AHI1: variants seen among roughly 807,000 people sequenced by gnomAD.
AHI1 encodes the protein Abelson helper integration site 1.
A neutral mutation model predicts 149.3 loss-of-function variants in AHI1; 123 were observed. That is an observed-to-expected ratio of 0.82 (90% confidence interval 0.71 to 0.96). The LOEUF (loss-of-function observed/expected upper bound fraction) is 0.96. AHI1 is among the 40% of genes least tolerant of loss of function. AHI1 has a pLI of 0.00. For synonymous variants in AHI1, 475 were observed against 459.8 expected, an observed-to-expected ratio of 1.03 and a Z score of -0.42; for missense variants, 1,439 against 1,422.7, an observed-to-expected ratio of 1.01 and a Z score of -0.18.
At chr6:135,483,545 C>G (rs1315209471) in intron 5 of AHI1, among the ~76,000 whole-genome samples, 1 of 152,024 alleles carries the variant, frequency 6.6e-6, no homozygotes, top group Non-Finnish European at 1.5e-5. Flanking sequence ...CTCAACTATC[C>G]CCTTTTAAAA....
chr6:135,340,548 C>T (rs1207722035), intron 24 of AHI1, among the ~76,000 whole-genome samples: 3 of 150,304 alleles, frequency 2.0e-5, no homozygotes, highest in Non-Finnish European at 4.4e-5. Context: ...GTCCTTCGGA[C>T]TGAAATGAAA....
At chr6:135,363,464 G>A (rs975894886) in intron 23 of AHI1, among the ~76,000 whole-genome samples, 1 of 152,164 alleles carries the variant, frequency 6.6e-6, no homozygotes, top group Non-Finnish European at 1.5e-5. Context: ...ACACAGACAC[G>A]GCAACCATCC....
chr6:135,342,492 C>A (rs1045614280), intron 24 of AHI1, among the ~76,000 whole-genome samples: 1 of 151,662 alleles, frequency 6.6e-6, no homozygotes, highest in Non-Finnish European at 1.5e-5. Flanking sequence ...GCAAAACCCT[C>A]AAAAATATAC....
intron 24 of AHI1, among the ~76,000 whole-genome samples, chr6:135,329,334 T>C (rs1029143475): frequency 1.3e-5 from 2 of 152,208 alleles, no homozygotes; most frequent in Non-Finnish European, 2.9e-5. Context: ...TAGGAACTAA[T>C]ACAGCTGGTG....
chr6:135,416,755 T>C (rs1343375617), intron 20 of AHI1, among the ~76,000 whole-genome samples: 2 of 152,046 alleles, frequency 1.3e-5, no homozygotes, highest in African/African-American at 4.8e-5. Flanking sequence ...TCATGTACTA[T>C]TTCATTCAGG....
At chr6:135,413,054 G>C (rs1781829999) in intron 20 of AHI1, among the ~76,000 whole-genome samples, 1 of 152,114 alleles carries the variant, frequency 6.6e-6, no homozygotes, top group African/African-American at 2.4e-5. Flanking sequence ...AACTTGCCAG[G>C]CACAGTGTCT....
Position 135,453,380 on chromosome 6 carries a change from T to G in AHI1, c.1401A>C (p.Gln467His). 6.4e-7 allele frequency: 1 copy of G among 1,562,498 alleles called. No homozygotes were observed. Residue 467 changes from glutamine (Q) to histidine (H), a missense_variant, in exon 11 of 29, where the codon CAA (glutamine) becomes CAC (histidine). By Grantham distance (24) the Gln-to-His change is conservative. Coordinates refer to ENST00000265602, the MANE Select transcript of AHI1 (RefSeq NM_001134831.2). ...EIKNNSEVQN[Q>H]ECGFRKIAWA... ...AGGCAATTTTCCGAAAGCCACATTC[T>G]TGGTTTTGAACCTCAGAATTATTCT...
chr6:135,360,182 A>G (rs1392405179), intron 23 of AHI1, among the ~76,000 whole-genome samples: 1 of 152,202 alleles, frequency 6.6e-6, no homozygotes, highest in East Asian at 1.9e-4. Context: ...CACTTTTATT[A>G]ATGTATAACA....
intron 23 of AHI1, among the ~76,000 whole-genome samples, chr6:135,381,219 A>C (rs535653228): frequency 3.3e-5 from 5 of 152,308 alleles, no homozygotes; most frequent in African/African-American, 1.2e-4. Context: ...CTCCCACAAA[A>C]AACAAGCTTC....
At chr6:135,379,629 T>G (rs1184572489) in intron 23 of AHI1, among the ~76,000 whole-genome samples, 2 of 152,198 alleles carry the variant, frequency 1.3e-5, no homozygotes, top group Non-Finnish European at 2.9e-5. Context: ...AGGTTTCCAG[T>G]GAATACTAGC....
chr6:135,436,866 T>C (rs1240527015), intron 15 of AHI1, among the ~76,000 whole-genome samples: 1 of 152,128 alleles, frequency 6.6e-6, no homozygotes, highest in Non-Finnish European at 1.5e-5. Flanking sequence ...CTTCCCAAAG[T>C]GCTGGGATTA....
At chr6:135,402,989 T>C (rs1011268761) in intron 22 of AHI1, among the ~76,000 whole-genome samples, 3 of 152,172 alleles carry the variant, frequency 2.0e-5, no homozygotes, top group Non-Finnish European at 4.4e-5. Flanking sequence ...ATGTTACAAA[T>C]AGAGGAATCC....
chr6:135,463,280 A>T lies in AHI1; in HGVS notation c.776T>A (p.Val259Asp). The T allele has an allele frequency of 6.2e-7, 1 of 1,608,652 alleles. No homozygotes were observed. Among genetic ancestry groups the T allele is most frequent in the Non-Finnish European group, 8.5e-7 (1 of 1,178,796 alleles). ...TSTLTISGDT[V>D]EGEQKKESSV... ...AGATTCTTTCTTTTGTTCACCTTCAACTGTGTCACCAGAGATGGTCAATGT... is the reference window on the plus strand; with the variant it reads ...AGATTCTTTCTTTTGTTCACCTTCATCTGTGTCACCAGAGATGGTCAATGT... The change falls in exon 8 of 29, where the codon GTT becomes GAT. Residue 259 changes from valine to aspartate, a missense_variant. Transcript: ENST00000265602.
intron 23 of AHI1, among the ~76,000 whole-genome samples, chr6:135,389,301 T>A (rs1370191844): frequency 3.6e-5 from 5 of 138,502 alleles, no homozygotes; most frequent in Non-Finnish European, 6.1e-5. Context: ...AGAGCAAGAC[T>A]CTGTCTAAAA....
intron 5 of AHI1, among the ~76,000 whole-genome samples, chr6:135,480,023 T>C (rs1793355323): frequency 6.6e-6 from 1 of 152,322 alleles, no homozygotes; most frequent in South Asian, 2.1e-4. Context: ...TCCCCAGCCA[T>C]GCCCCTCCAA....
rs145737609 is a variant in AHI1, at chr6:135,409,474, C to T, written c.2961+1874G>A. On this transcript the variant is annotated intron_variant, in intron 21 of 28. Transcript: ENST00000265602. ...ATGAGAATTTGATTTAGGTGAGTGA[C>T]CTAAGATATATATGTAAATGGACTG... Among the ~76,000 whole-genome samples the T allele has an allele frequency of 5.2e-3, 793 of 152,116 alleles. 4 individuals are homozygous for T. The highest frequency in any genetic ancestry group is 0.017 in the African/African-American group (723 of 41,502).
intron 20 of AHI1, among the ~76,000 whole-genome samples, chr6:135,422,816 C>CA (rs1303536401): frequency 6.6e-6 from 1 of 151,678 alleles, no homozygotes; most frequent in African/African-American, 2.4e-5. Flanking sequence ...AGGGAGTGAA[C>CA]TATTAATAAT....
In AHI1 at chr6:135,442,568, G is replaced by C; in HGVS notation, c.1912+14C>G. On this transcript the variant is annotated intron_variant, in intron 14 of 28. Transcript: ENST00000265602. ...GGACTACAATCAGATTAAACAGGTA[G>C]GATTATTACTCACAAATAATTGGAT... 3 of 1,600,464 alleles carry C rather than the reference G, an allele frequency of 1.9e-6. No individual in the cohort carries two copies. Among genetic ancestry groups the C allele is most frequent in the Non-Finnish European group, 2.6e-6 (3 of 1,173,020 alleles).
At chr6:135,485,556 T>G (rs779841201) in intron 5 of AHI1, among the ~76,000 whole-genome samples, 3 of 152,230 alleles carry the variant, frequency 2.0e-5, no homozygotes, top group Non-Finnish European at 4.4e-5. Flanking sequence ...TAATATCTAC[T>G]AATAAATTTT....
Sources: gnomAD v4.1 joint callset for allele counts (sites outside exome capture counted in the v4.1 genomes callset) on GRCh38, gnomAD v4.1.1 for gene constraint, MANE v1.5 for transcripts, NCBI Gene and HGNC (gene_info 2026-07-23, HGNC 2026-07-21) for gene names.